Variants in SDAD1 observed in about 807,000 individuals in gnomAD.
SDAD1 encodes the protein protein SDA1 homolog.
In SDAD1, 79 loss-of-function variants were observed where a neutral mutation model predicts 100.3. That is an observed-to-expected ratio of 0.79 (90% CI 0.66 to 0.95). The LOEUF (loss-of-function observed/expected upper bound fraction) is 0.95. SDAD1 is among the 40% of genes least tolerant of loss of function. The pLI is 0.00. For synonymous variants in SDAD1, 267 were observed against 271.4 expected (o/e 0.98, Z 0.16); for missense variants, 790 against 810.9 (o/e 0.97, Z 0.31).
intron 3 of SDAD1, among the ~76,000 whole-genome samples, chr4:75,980,585 AAGG>A (rs139081127): frequency 0.15 from 22,922 of 152,110 alleles, 2,726 homozygotes; most frequent in African/African-American, 0.33. Context: ...GAAGTGAAGG[AAGG>A]AGGATAGTGC....
Position 75,961,222 on chromosome 4 carries a change from T to A in SDAD1, c.1268A>T (p.His423Leu), listed in dbSNP as rs147216033. 5.0e-6 allele frequency: 8 copies of A among 1,613,918 alleles called. No individual in the cohort carries two copies. In the African/African-American group the frequency reaches 1.1e-4, roughly 22 times the overall value. The stretch of plus-strand genomic sequence containing the variant: ...AACATGCAGCTTACTCTTATCCTTG[T>A]GTGTTTTATACTGAGCCAGGTCTTG... ...LLQDLAQYKT[H>L]KDKNVMMSAR... Residue 423 changes from histidine to leucine, a missense_variant, in exon 15 of 22, where the codon CAC (histidine) becomes CTC (leucine). His to Leu is a moderately conservative substitution (Grantham distance 99, BLOSUM62 -3). Coordinates refer to ENST00000356260, the MANE Select transcript of SDAD1 (RefSeq NM_018115.4).
chr4:75,967,529 C>T (rs976735473), intron 11 of SDAD1, among the ~76,000 whole-genome samples, 195 bp from the exon 12 acceptor site: 1 of 152,172 alleles, frequency 6.6e-6, no homozygotes, highest in African/African-American at 2.4e-5. Context: ...TGAGGCTATG[C>T]TGCTATCCTT....
In SDAD1 at chr4:75,961,278, T is replaced by A; in HGVS notation, c.1212A>T (p.Arg404=). The A allele has an allele frequency of 6.2e-7, 1 of 1,614,028 alleles. No individual in the cohort carries two copies. Among genetic ancestry groups the A allele is most frequent in the Non-Finnish European group, 8.5e-7 (1 of 1,179,944 alleles). The change falls in exon 15 of 22, where the codon CGA becomes CGT. Residue 404 remains arginine (R), a synonymous_variant. Transcript: ENST00000356260. ...GINAIKEITA[R]CPLAMTEELL... is the part of the protein sequence containing the mutation. ...GTTCTTCAGTCATGGCCAGAGGACA[T>A]CGAGCTGTTATCTCCTTTATAGCAT...
chr4:75,982,469 G>A (rs1023613574), intron 1 of SDAD1, among the ~76,000 whole-genome samples: 1 of 152,004 alleles, frequency 6.6e-6, no homozygotes, highest in Non-Finnish European at 1.5e-5. Context: ...GTAACACAGG[G>A]AGACCTTGTC....
chr4:75,970,859 C>G (rs1729831682), intron 9 of SDAD1, among the ~76,000 whole-genome samples: 1 of 152,184 alleles, frequency 6.6e-6, no homozygotes, highest in African/African-American at 2.4e-5. Context: ...CTTGCCTCCC[C>G]TTTGCCTTTC....
At chr4:75,959,075 G>A (rs2149310558) in intron 17 of SDAD1, among the ~76,000 whole-genome samples, 1 of 113,216 alleles carries the variant, frequency 8.8e-6, no homozygotes, top group South Asian at 3.2e-4. Flanking sequence ...TCCAGCCTGG[G>A]CGACACAGCA....
intron 3 of SDAD1, among the ~76,000 whole-genome samples, chr4:75,979,639 G>C (rs1336227740): frequency 1.3e-5 from 2 of 151,878 alleles, no homozygotes; most frequent in African/African-American, 4.8e-5. Context: ...ATTTTTAGTA[G>C]AGACAGGGTT....
At chr4:75,956,651 C>T (rs1230602519) in intron 20 of SDAD1, among the ~76,000 whole-genome samples, 2 of 152,200 alleles carry the variant, frequency 1.3e-5, no homozygotes, top group Non-Finnish European at 2.9e-5. Context: ...CAGGCAGACT[C>T]CAACTGGCTC....
In SDAD1 at chr4:75,957,602, G is replaced by A. The variant is rs533166382; in HGVS notation, c.1685C>T (p.Ala562Val). The A allele has an allele frequency of 1.2e-6, 2 of 1,614,114 alleles. No homozygotes were observed. Among genetic ancestry groups the A allele is most frequent in the African/African-American group, 2.7e-5 (2 of 75,012 alleles). ...TQEDFQKIRM[A>V]QMRKELDAAP... Reference sequence around the variant, plus strand: ...AGCATCAAGTTCTTTTCTCATTTGGGCCATGCGGATTTTCTGGAAGTCTTC... The same window carrying A: ...AGCATCAAGTTCTTTTCTCATTTGGACCATGCGGATTTTCTGGAAGTCTTC... The change falls in exon 19 of 22, where the codon GCC (alanine) becomes GTC (valine). Residue 562 changes from alanine to valine, a missense_variant. Physicochemically the swap from Ala to Val is moderately conservative, Grantham distance 64. Transcript: ENST00000356260.
rs562665854 is a variant in SDAD1, at chr4:75,988,608, C to T, written c.90+2144G>A. Among the ~76,000 whole-genome samples, 63 of 152,150 alleles carry T rather than the reference C, an allele frequency of 4.1e-4. 1 individual carries two copies. Among genetic ancestry groups the T allele is most frequent in the African/African-American group, 1.5e-3 (63 of 41,504 alleles). On this transcript the variant is annotated intron_variant, in intron 1 of 21. Coordinates refer to ENST00000356260, the MANE Select transcript of SDAD1 (RefSeq NM_018115.4). Reference sequence around the variant, plus strand: ...TATATTATTTGTTACTGTATATCACCCCCTACTAGAATGTCATTTAATGAG... The same window carrying T: ...TATATTATTTGTTACTGTATATCACTCCCTACTAGAATGTCATTTAATGAG...
chr4:75,971,939 A>ATT lies in SDAD1; in HGVS notation c.712-483_712-482dup, dbSNP rs35932670. On this transcript the variant is annotated intron_variant, in intron 8 of 21. Transcript: ENST00000356260. ...ATACAAAGATTTTCACTGTAGCACT[A>ATT]TTTTTTTTTTTTTTTTTGAGATGGA... 4.8e-3 allele frequency among the ~76,000 whole-genome samples: 668 copies of ATT among 138,368 alleles called. 6 individuals carry two copies. Among genetic ancestry groups the ATT allele is most frequent in the Non-Finnish European group, 7.0e-3 (450 of 64,400 alleles). 90.8% of individuals were successfully genotyped at this position (138,368 alleles called of 152,430 possible).
At chr4:75,965,495 C>A (rs1729484726) in intron 13 of SDAD1, among the ~76,000 whole-genome samples, 1 of 152,178 alleles carries the variant, frequency 6.6e-6, no homozygotes, top group Non-Finnish European at 1.5e-5. Flanking sequence ...ACTCCCTCCC[C>A]TTTCGAAAAT....
rs536696897 is a variant in SDAD1, at chr4:75,957,355, A to G, written c.1824T>C (p.Ser608=). The change falls in exon 20 of 22, where the codon TCT becomes TCC. Residue 608 remains serine, a synonymous_variant. Transcript: ENST00000356260. ...CAGTTGCTAGTCTTGTCTCTTTGTCAGACTTTGGCTTTTTATGAAGGCGTT... is the reference window on the plus strand; with the variant it reads ...CAGTTGCTAGTCTTGTCTCTTTGTCGGACTTTGGCTTTTTATGAAGGCGTT... ...DIERLHKKPK[S]DKETRLATAM... is the part of the protein sequence containing the mutation. 13 of 1,614,158 alleles carry G rather than the reference A, an allele frequency of 8.1e-6. No homozygotes were observed. The East Asian group carries it at 2.9e-4, about 36-fold the overall frequency.
chr4:75,979,955 C>T (rs1730403369), intron 3 of SDAD1, among the ~76,000 whole-genome samples: 3 of 152,104 alleles, frequency 2.0e-5, no homozygotes, highest in Non-Finnish European at 2.9e-5. Context: ...AATCCTCCTG[C>T]CTCAGCCTCC....
At chr4:75,987,536 T>C (rs1184161000) in intron 1 of SDAD1, among the ~76,000 whole-genome samples, 1 of 152,098 alleles carries the variant, frequency 6.6e-6, no homozygotes, top group African/African-American at 2.4e-5. Context: ...GAGTTTCATC[T>C]TGTTGCCCAG....
intron 4 of SDAD1, 84 bp downstream of exon 4, chr4:75,977,562 T>C (rs553026713): frequency 4.3e-5 from 37 of 856,614 alleles, no homozygotes; most frequent in Admixed American, 3.8e-5. Flanking sequence ...TTATTAACAA[T>C]GTAAAGCATC....
At chr4:75,990,651 A>G (rs1324822479) in intron 1 of SDAD1, 101 bp downstream of exon 1, 1 of 1,601,858 alleles carries the variant, frequency 6.2e-7, no homozygotes, top group Admixed American at 1.7e-5. Context: ...ACAGAAGAAT[A>G]GGCGGCGAGC....
chr4:75,990,046 A>G (rs1398169904), intron 1 of SDAD1, among the ~76,000 whole-genome samples: 3 of 152,200 alleles, frequency 2.0e-5, no homozygotes, highest in African/African-American at 4.8e-5. Context: ...TCAGATTAAT[A>G]TATCAAAAAC....
Position 75,975,938 on chromosome 4 carries a change from T to C in SDAD1, c.463A>G (p.Asn155Asp), listed in dbSNP as rs1180873865. 5.0e-6 allele frequency: 8 copies of C among 1,605,662 alleles called. No individual in the cohort carries two copies. Among genetic ancestry groups the C allele is most frequent in the Admixed American group, 1.7e-5 (1 of 60,012 alleles). The change falls in exon 5 of 22, where the codon AAT (asparagine) becomes GAT (aspartate). Residue 155 changes from asparagine to aspartate, a missense_variant. Coordinates refer to ENST00000356260, the MANE Select transcript of SDAD1 (RefSeq NM_018115.4). ...IKNINAKHKNNKVNVVLQNFM... is the reference protein window; with the variant it reads ...IKNINAKHKNDKVNVVLQNFM... Reference sequence around the variant, plus strand: ...AGAGTACTTACTACATTCACTTTATTGTTCTTGTGTTTTGCATTTATATTC... The same window carrying C: ...AGAGTACTTACTACATTCACTTTATCGTTCTTGTGTTTTGCATTTATATTC...
Sources: allele counts gnomAD v4.1 joint callset (sites outside exome capture counted in the v4.1 genomes callset), GRCh38; gene constraint gnomAD v4.1.1; transcripts MANE v1.5; gene names NCBI Gene and HGNC (gene_info 2026-07-23, HGNC 2026-07-21).